The following LRP2 variants were observed in gnomAD, a reference collection of about 807,000 sequenced individuals.
The protein encoded by LRP2 is low-density lipoprotein receptor-related protein 2.
Under a neutral mutation model 531.0 loss-of-function variants are expected in LRP2, and 172 were observed. The ratio of observed to expected loss-of-function variants is 0.32; its 90% CI spans 0.29 to 0.37. The LOEUF (loss-of-function observed/expected upper bound fraction) is 0.37, where lower values mean the gene tolerates loss of function less well. Among genes scored for constraint, LRP2 ranks in the 10% least tolerant of loss-of-function variants. The pLI, the probability that LRP2 is intolerant of heterozygous loss-of-function variation, is 1.00. For missense variants in LRP2, 5,167 were observed against 5,868.3 expected, an observed-to-expected ratio of 0.88 and a Z score of 3.90; for synonymous variants, 1,992 against 2,027.6, an observed-to-expected ratio of 0.98 and a Z score of 0.47.
At position 169,128,995 on chromosome 2, in the gene LRP2, A is replaced by C. The variant is rs1317375233; in HGVS notation, c.13800+18T>G. 2 of 1,593,922 alleles carry C rather than the reference A, an allele frequency of 1.3e-6. No individual in the cohort carries two copies. The highest frequency in any genetic ancestry group is 1.7e-6 in the Non-Finnish European group (2 of 1,161,714). On this transcript the variant is annotated intron_variant, in intron 78 of 78. Coordinates refer to ENST00000649046, the MANE Select transcript of LRP2 (RefSeq NM_004525.3). Reference sequence around the variant, plus strand: ...CTAAGAAAAAATGTCTGTGCTAAGAAAAATTGTTAAAAATTACCTGTGCAT... The same window carrying C: ...CTAAGAAAAAATGTCTGTGCTAAGACAAATTGTTAAAAATTACCTGTGCAT...
chr2:169,246,774 T>A lies in LRP2; in HGVS notation c.3121A>T (p.Asn1041Tyr), dbSNP rs1483797985. ...TCGACTCCATCACAGAGATAGTAAT[T>A]GGGCACACATCTGCCATTTTTACAG... ...FPCKNGRCVP[N>Y]YYLCDGVDDC... is the part of the protein sequence containing the mutation. The change falls in exon 21 of 79, where the codon AAT becomes TAT. Residue 1041 changes from asparagine to tyrosine, a missense_variant. Asn to Tyr is a moderately radical substitution (Grantham distance 143). This residue lies in a region of LRP2 where 2,811 missense variants were observed against 3,058.0 expected (regional missense o/e 0.92). Coordinates refer to ENST00000649046, the MANE Select transcript of LRP2 (RefSeq NM_004525.3). 6.2e-7 allele frequency: 1 copy of A among 1,614,074 alleles called. No individual in the cohort carries two copies. Among genetic ancestry groups the A allele is most frequent in the Non-Finnish European group, 8.5e-7 (1 of 1,180,040 alleles).
chr2:169,278,853 G>A (rs924714464), intron 12 of LRP2, among the ~76,000 whole-genome samples: 13 of 152,304 alleles, frequency 8.5e-5, no homozygotes, highest in South Asian at 2.1e-4. Flanking sequence ...CATTATCGGT[G>A]TTGCTGGATT....
At chr2:169,303,929 CTT>C (rs1684347350) in intron 4 of LRP2, among the ~76,000 whole-genome samples, 1 of 152,000 alleles carries the variant, frequency 6.6e-6, no homozygotes, top group South Asian at 2.1e-4. Context: ...TAAAAAAAAA[CTT>C]GATTAAAAAT....
intron 49 of LRP2, 48 bp from the exon 50 acceptor site, chr2:169,186,067 AC>A (rs1372335328): frequency 6.5e-7 from 1 of 1,533,690 alleles, no homozygotes; most frequent in Non-Finnish European, 9.0e-7. Flanking sequence ...TCAACGACCA[AC>A]TCACTATAAT....
chr2:169,231,402 T>C (rs1689398291), intron 31 of LRP2, among the ~76,000 whole-genome samples: 1 of 152,116 alleles, frequency 6.6e-6, no homozygotes, highest in Admixed American at 6.5e-5. Context: ...GTTTACTTCT[T>C]AGGTGAAGAA....
Position 169,206,910 on chromosome 2 carries a change from C to T in LRP2, c.6810G>A (p.Val2270=), listed in dbSNP as rs2228170. 2.4e-3 allele frequency: 3,903 copies of T among 1,614,142 alleles called. 72 individuals are homozygous for T. The African/African-American group carries it at 0.045, about 19-fold the overall frequency. ...TTGGGTAACGACTGCCATAACGAATCACTTCAGAGTTCTCTCCATTGATAC... is the reference window on the plus strand; with the variant it reads ...TTGGGTAACGACTGCCATAACGAATTACTTCAGAGTTCTCTCCATTGATAC... ...RIRINGENSE[V]IRYGSRYPTP... Residue 2270 remains valine, a synonymous_variant, in exon 39 of 79, where the codon GTG becomes GTA. Transcript: ENST00000649046.
At chr2:169,192,839 G>A (rs1408203005) in intron 47 of LRP2, among the ~76,000 whole-genome samples, 2 of 152,156 alleles carry the variant, frequency 1.3e-5, no homozygotes, top group Non-Finnish European at 2.9e-5. Flanking sequence ...CAGTGGATAG[G>A]GTGGATAGGG....
intron 34 of LRP2, among the ~76,000 whole-genome samples, chr2:169,217,540 T>G (rs1443669818): frequency 6.6e-6 from 1 of 152,150 alleles, no homozygotes; most frequent in African/African-American, 2.4e-5. Flanking sequence ...TTCTTTTGGG[T>G]TCCCATTGTG....
chr2:169,324,751 AAGAGG>A (rs1387300574), intron 1 of LRP2, among the ~76,000 whole-genome samples: 2 of 152,142 alleles, frequency 1.3e-5, no homozygotes, highest in Non-Finnish European at 2.9e-5. Context: ...GCGCCCAGAG[AAGAGG>A]AGTCATTTGC....
At chr2:169,277,427 A>C (rs945718074) in intron 13 of LRP2, among the ~76,000 whole-genome samples, 4 of 152,170 alleles carry the variant, frequency 2.6e-5, no homozygotes, top group African/African-American at 9.7e-5. Context: ...TGAGAAACAA[A>C]GCACAAATGA....
chr2:169,140,762 T>C (rs527772564), intron 71 of LRP2, among the ~76,000 whole-genome samples: 2 of 152,258 alleles, frequency 1.3e-5, no homozygotes, highest in Admixed American at 1.3e-4. Context: ...TTATAGAATT[T>C]TTCCCAAAAA....
At chr2:169,280,628 T>C (rs1683678866) in intron 10 of LRP2, 109 bp from the exon 11 acceptor site, 2 of 1,103,448 alleles carry the variant, frequency 1.8e-6, no homozygotes, top group African/African-American at 3.1e-5. Context: ...TTCTAGGTTG[T>C]CTTACCTGAT....
chr2:169,338,487 CAA>C (rs1384362554), intron 1 of LRP2, among the ~76,000 whole-genome samples: 2 of 152,042 alleles, frequency 1.3e-5, no homozygotes, highest in Non-Finnish European at 2.9e-5. Context: ...CAAGACAAGA[CAA>C]TATGCATTCC....
chr2:169,233,751 AT>A (rs1462282349), intron 29 of LRP2, among the ~76,000 whole-genome samples, 163 bp from the exon 30 acceptor site: 1 of 152,194 alleles, frequency 6.6e-6, no homozygotes, highest in Non-Finnish European at 1.5e-5. Context: ...AAAATACACA[AT>A]TCGTCCTATA....
intron 33 of LRP2, among the ~76,000 whole-genome samples, chr2:169,224,742 G>A (rs1689138525): frequency 6.6e-6 from 1 of 152,084 alleles, no homozygotes; most frequent in Non-Finnish European, 1.5e-5. Context: ...ATAGCAACAA[G>A]GTAGTATTGA....
intron 3 of LRP2, among the ~76,000 whole-genome samples, chr2:169,313,843 C>A (rs1040689072): frequency 1.3e-5 from 2 of 152,150 alleles, no homozygotes; most frequent in Non-Finnish European, 2.9e-5. Context: ...TCTCCCAAAG[C>A]GCTAGGATTT....
rs756312774 is a variant in LRP2, at chr2:169,307,326, C to T, written c.382G>A (p.Asp128Asn). 15 of 1,613,892 alleles carry T rather than the reference C, an allele frequency of 9.3e-6. No individual in the cohort carries two copies. Among genetic ancestry groups the T allele is most frequent in the Admixed American group, 5.0e-5 (3 of 59,998 alleles). Reference protein sequence around the residue: ...GQCIPSEYRCDHVRDCPDGAD... With the variant: ...GQCIPSEYRCNHVRDCPDGAD... ...CCATCGGGGCAGTCTCTGACGTGGT[C>T]GCACCTGTATTCACTTGGGATACAC... The change falls in exon 4 of 79, where the codon GAC (aspartate) becomes AAC (asparagine). Residue 128 changes from aspartate (D) to asparagine (N), a missense_variant. Transcript: ENST00000649046.
intron 24 of LRP2, among the ~76,000 whole-genome samples, 160 bp downstream of exon 24, chr2:169,242,796 T>C (rs1689855889): frequency 6.6e-6 from 1 of 152,244 alleles, no homozygotes; most frequent in Non-Finnish European, 1.5e-5. Context: ...TATATGGCAA[T>C]GTCTACTCAA....
rs1443244028 is a variant in LRP2 at position 169,270,920 on chromosome 2, T to C, written c.2304A>G (p.Gln768=). Residue 768 remains glutamine, a synonymous_variant, in exon 16 of 79, where the codon CAA becomes CAG. Coordinates refer to ENST00000649046, the MANE Select transcript of LRP2 (RefSeq NM_004525.3). The part of the protein sequence containing the change: ...SDMSKHMIFK[Q]KIDGTGREIL... ...CTTTCTCACCTGTGCCATCAATCTT[T>C]TGCTTAAAAATCATGTGTTTTGACA... The C allele has an allele frequency of 6.2e-7, 1 of 1,612,962 alleles. No individual in the cohort carries two copies. Among genetic ancestry groups the C allele is most frequent in the East Asian group, 2.2e-5 (1 of 44,836 alleles).
Sources: gnomAD v4.1 joint callset for allele counts (sites outside exome capture counted in the v4.1 genomes callset) on GRCh38, gnomAD v4.1.1 for gene constraint, gnomAD v4.1.1 regional missense constraint, MANE v1.5 for transcripts, NCBI Gene and HGNC (gene_info 2026-07-23, HGNC 2026-07-21) for gene names.